PPP2R2D: variants seen among roughly 807,000 people sequenced by gnomAD.
PPP2R2D encodes the protein protein phosphatase 2 regulatory subunit Bdelta, also known as serine/threonine-protein phosphatase 2A 55 kDa regulatory subunit B delta isoform.
PPP2R2D carries 9 observed loss-of-function variants against 31.1 expected under a neutral mutation model. That is an observed-to-expected ratio of 0.29 (90% CI 0.17 to 0.51). PPP2R2D has a LOEUF of 0.51. Ranked by LOEUF, PPP2R2D falls within the 20% of genes least tolerant of loss-of-function variation. The probability of loss-of-function intolerance (pLI) is 0.98; values close to 1 mark genes in which losing one functional copy is unlikely to be tolerated. For missense variants in PPP2R2D, 391 were observed against 465.6 expected (o/e 0.84, Z 1.48); for synonymous variants, 179 against 172.6 (o/e 1.04, Z -0.29).
chr10:131,917,305 G>GA (rs2035823132), intron 2 of PPP2R2D, among the ~76,000 whole-genome samples: 1 of 133,402 alleles, frequency 7.5e-6, no homozygotes, highest in Admixed American at 7.7e-5. Context: ...CCTCAGGCAG[G>GA]TGGAATGACA....
At chr10:131,967,330 C>T in the PPP2R2D span, 1 of 152,348 alleles carries the variant, frequency 6.6e-6, no homozygotes, top group Non-Finnish European at 1.5e-5. Context: ...AGACAAACAG[C>T]AAACATATTT....
rs544315334 is a variant in PPP2R2D, at chr10:131,945,108, A to G, written c.656-187A>G. 6.6e-6 allele frequency among the ~76,000 whole-genome samples: 1 copy of G among 152,286 alleles called. No individual in the cohort carries two copies. Among genetic ancestry groups the G allele is most frequent in the East Asian group, 1.9e-4 (1 of 5,166 alleles). ...TGGGCCGGGGCGTTGCTGTAGTCTG[A>G]GTGTGCTCATCCCAATCCCCTTACC... On this transcript the variant is annotated intron_variant, in intron 6 of 8. Coordinates refer to ENST00000455566, the MANE Select transcript of PPP2R2D (RefSeq NM_018461.5). This position sits in a 1 kb window ranked among gnomAD's most constrained non-coding sequence, Gnocchi z 4.8.
chr10:131,915,237 AGG>A (rs1554892911), intron 2 of PPP2R2D, among the ~76,000 whole-genome samples: 2 of 152,042 alleles, frequency 1.3e-5, no homozygotes, highest in Non-Finnish European at 2.9e-5. Context: ...ATGATTGAAA[AGG>A]GGGGATTCGT....
At chr10:131,923,306 G>A (rs1306927817) in intron 2 of PPP2R2D, among the ~76,000 whole-genome samples, 7 of 152,160 alleles carry the variant, frequency 4.6e-5, no homozygotes, top group Admixed American at 2.6e-4. Context: ...TGCAGCATGC[G>A]TCAGTCCTCC....
intron 3 of PPP2R2D, among the ~76,000 whole-genome samples, chr10:131,936,348 G>T (rs146277479): frequency 6.6e-6 from 1 of 151,892 alleles, no homozygotes; most frequent in African/African-American, 2.4e-5. Context: ...GGGTTTCACC[G>T]TTGGCCAGGT....
chr10:131,955,638 G>T, intron 8 of PPP2R2D, 46 bp from the exon 9 acceptor site: 1 of 1,354,038 alleles, frequency 7.4e-7, no homozygotes, highest in Non-Finnish European at 9.6e-7. Context: ...CCTTGCTGCC[G>T]CTCCCCCCAC....
At chr10:131,906,890 A>G (rs1416652812) in intron 2 of PPP2R2D, among the ~76,000 whole-genome samples, 2 of 151,976 alleles carry the variant, frequency 1.3e-5, no homozygotes, top group African/African-American at 4.8e-5. Context: ...GCAATGAGCT[A>G]TGATTGCACC....
downstream of PPP2R2D, among the ~76,000 whole-genome samples, chr10:131,963,662 C>G (rs2036948405): frequency 6.6e-6 from 1 of 152,280 alleles, no homozygotes. Flanking sequence ...GAGGCTCTGC[C>G]TTTCTAACAA....
chr10:131,959,168 G>GAGATGAAGGTGTGTGCTGATCCCCCA lies in PPP2R2D; in HGVS notation c.*3205_*3206insAGATGAAGGTGTGTGCTGATCCCCCA, dbSNP rs2036879201. 1.6e-5 allele frequency: 1 copy of GAGATGAAGGTGTGTGCTGATCCCCCA among 64,332 alleles called. No homozygotes were observed. The highest frequency in any genetic ancestry group is 2.8e-5 in the Non-Finnish European group (1 of 35,802). 4.0% of individuals were successfully genotyped at this position (64,332 alleles called of 1,614,324 possible). On this transcript the variant is annotated 3_prime_UTR_variant, in exon 9 of 9. Transcript: ENST00000455566. ...AGATGAAGGTGTGTGCTGATCCCCG[G>GAGATGAAGGTGTGTGCTGATCCCCCA]TCCCCCTGTGGAGATGAAGGTGTGT...
At chr10:131,905,189 G>A (rs2035563022) in intron 2 of PPP2R2D, among the ~76,000 whole-genome samples, 1 of 152,158 alleles carries the variant, frequency 6.6e-6, no homozygotes, top group Admixed American at 6.5e-5. Flanking sequence ...TTTGCTGGAA[G>A]GTGGGACTAG....
chr10:131,951,641 T>G (rs139802201), intron 8 of PPP2R2D, among the ~76,000 whole-genome samples: 2 of 152,158 alleles, frequency 1.3e-5, no homozygotes. Flanking sequence ...ACCAACATAG[T>G]GAAACCCCAT....
Position 131,957,982 on chromosome 10 carries a change from C to T in PPP2R2D, c.*2019C>T, listed in dbSNP as rs139011782. ...AAGATGAAGGGGTGTGCTGATCCCCCGTGCCCCTGTGGACATGGAGGCGTG... is the reference window on the plus strand; with the variant it reads ...AAGATGAAGGGGTGTGCTGATCCCCTGTGCCCCTGTGGACATGGAGGCGTG... On this transcript the variant is annotated 3_prime_UTR_variant, in exon 9 of 9. Coordinates refer to ENST00000455566, the MANE Select transcript of PPP2R2D (RefSeq NM_018461.5). 672 of 161,152 alleles carry T rather than the reference C, an allele frequency of 4.2e-3. 8 individuals carry two copies. Among genetic ancestry groups the T allele is most frequent in the African/African-American group, 0.017 (649 of 38,298 alleles). 10.0% of individuals were successfully genotyped at this position (161,152 alleles called of 1,614,324 possible).
chr10:131,921,801 C>T (rs538682016), intron 2 of PPP2R2D, among the ~76,000 whole-genome samples: 1 of 152,200 alleles, frequency 6.6e-6, no homozygotes, highest in South Asian at 2.1e-4. Context: ...GGTTATAAAG[C>T]GCTTTTGATT....
intron 2 of PPP2R2D, among the ~76,000 whole-genome samples, chr10:131,917,571 G>T (rs1325273272): frequency 1.3e-3 from 156 of 119,074 alleles, no homozygotes; most frequent in African/African-American, 4.5e-3. Flanking sequence ...GGGACCTCAG[G>T]CGGGTGGAAT....
chr10:131,966,196 G>A, the PPP2R2D span, among the ~76,000 whole-genome samples: 1 of 152,144 alleles, frequency 6.6e-6, no homozygotes, highest in African/African-American at 2.4e-5. Context: ...TCGGCGTCAC[G>A]TTCCACACCC....
At chr10:131,964,083 T>C (rs2120126181), downstream of PPP2R2D, among the ~76,000 whole-genome samples, 1 of 152,348 alleles carries the variant, frequency 6.6e-6, no homozygotes, top group South Asian at 2.1e-4. Flanking sequence ...GTTTGCCTGA[T>C]ATTTTCTCGT....
chr10:131,971,367 A>G, the PPP2R2D span: 1 of 247,886 alleles, frequency 4.0e-6, no homozygotes, highest in East Asian at 1.1e-4. Flanking sequence ...AAACGGCTCA[A>G]AACAGGGACA....
In PPP2R2D at chr10:131,944,222, A is replaced by G. The variant is rs1019475266; in HGVS notation, c.655+77A>G. Reference sequence around the variant, plus strand: ...AGTAATTTCTCTCGTCCCTTTATACACCTGTATCTCGGAGTCTAGTCTTGT... The same window carrying G: ...AGTAATTTCTCTCGTCCCTTTATACGCCTGTATCTCGGAGTCTAGTCTTGT... On this transcript the variant is annotated intron_variant, in intron 6 of 8. Coordinates refer to ENST00000455566, the MANE Select transcript of PPP2R2D (RefSeq NM_018461.5). 9.1e-6 allele frequency: 11 copies of G among 1,202,486 alleles called. No individual in the cohort carries two copies. In the African/African-American group the frequency reaches 1.4e-4, roughly 15 times the overall value. The allele number at this position is 1,202,486 out of a possible 1,614,324, so 74.5% of individuals were successfully genotyped here.
intron 2 of PPP2R2D, among the ~76,000 whole-genome samples, chr10:131,925,626 C>T (rs957384989): frequency 8.5e-5 from 13 of 152,146 alleles, no homozygotes; most frequent in Non-Finnish European, 1.6e-4. Flanking sequence ...AAGTAGTATG[C>T]AGAATTTTCT....
Sources: gnomAD v4.1 joint callset for allele counts (sites outside exome capture counted in the v4.1 genomes callset) on GRCh38, gnomAD v4.1.1 for gene constraint, Gnocchi (gnomAD v3.1) non-coding constraint, MANE v1.5 for transcripts, NCBI Gene and HGNC (gene_info 2026-07-23, HGNC 2026-07-21) for gene names.